HTR1F: variants seen among roughly 807,000 people sequenced by gnomAD.
HTR1F encodes 5-hydroxytryptamine receptor 1F.
In HTR1F, 17 loss-of-function variants were observed where a neutral mutation model predicts 24.0. The observed-to-expected ratio is 0.71, with a 90% CI of 0.48 to 1.06. The LOEUF (loss-of-function observed/expected upper bound fraction) is 1.06. Ranked by LOEUF, HTR1F falls within the 50% of genes least tolerant of loss-of-function variation. The pLI, the probability that HTR1F is intolerant of heterozygous loss-of-function variation, is 0.00. For synonymous variants in HTR1F, 186 were observed against 156.8 expected (o/e 1.19, Z -1.39); for missense variants, 391 against 427.8 (o/e 0.91, Z 0.76).
rs1263304977 is a variant in HTR1F at position 87,950,776 on chromosome 3, CAG to C, written c.-42-39929_-42-39928del. 3.3e-5 allele frequency among the ~76,000 whole-genome samples: 5 copies of C among 152,104 alleles called. No individual in the cohort carries two copies. The South Asian group carries it at 8.3e-4, about 25-fold the overall frequency. ...TTCATTGGTTTCAGAGGTTCGAAGT[CAG>C]AGTTGTTGTCAATTCATTGGTGGAA... is the stretch of plus-strand genomic sequence containing the variant. On this transcript the variant is annotated intron_variant, in intron 2 of 2. Transcript: ENST00000319595.
intron 2 of HTR1F, among the ~76,000 whole-genome samples, chr3:87,935,104 G>A (rs546820501): frequency 1.3e-5 from 2 of 152,314 alleles, no homozygotes; most frequent in Non-Finnish European, 2.9e-5. Context: ...CTGGAATCAA[G>A]TGATCCTCCT....
chr3:87,876,252 G>A (rs1705671047), intron 2 of HTR1F, among the ~76,000 whole-genome samples: 1 of 152,112 alleles, frequency 6.6e-6, no homozygotes, highest in African/African-American at 2.4e-5. Flanking sequence ...CCACTTCTGG[G>A]TATATATCTC....
At chr3:87,868,904 G>C (rs1280577982) in intron 2 of HTR1F, among the ~76,000 whole-genome samples, 1 of 151,356 alleles carries the variant, frequency 6.6e-6, no homozygotes, top group African/African-American at 2.4e-5. Flanking sequence ...TTAAATTATT[G>C]GTAATCCATG....
chr3:87,894,595 C>G (rs997482663), intron 2 of HTR1F, among the ~76,000 whole-genome samples: 4 of 115,134 alleles, frequency 3.5e-5, no homozygotes, highest in Admixed American at 1.1e-4. Flanking sequence ...GAGACAGAGT[C>G]TCTCTCTGTC....
chr3:87,975,330 C>A (rs947098813), intron 2 of HTR1F, among the ~76,000 whole-genome samples: 6 of 151,916 alleles, frequency 3.9e-5, no homozygotes, highest in African/African-American at 4.8e-5. Context: ...ATTTTGGAAT[C>A]CAAGATTTGG....
intron 2 of HTR1F, among the ~76,000 whole-genome samples, chr3:87,836,702 T>C (rs1208841142): frequency 1.3e-5 from 2 of 152,148 alleles, no homozygotes; most frequent in Non-Finnish European, 2.9e-5. Flanking sequence ...ATCTTCCAGA[T>C]ACCTCCCTGA....
chr3:87,815,813 T>C (rs538293743), intron 1 of HTR1F, among the ~76,000 whole-genome samples: 1 of 152,226 alleles, frequency 6.6e-6, no homozygotes, highest in East Asian at 1.9e-4. Flanking sequence ...CTTAGTAGCA[T>C]TCCTTCTAAA....
chr3:87,963,904 C>A (rs1349744089), intron 2 of HTR1F, among the ~76,000 whole-genome samples: 5 of 152,186 alleles, frequency 3.3e-5, no homozygotes, highest in Middle Eastern at 6.8e-3. Flanking sequence ...CCCCAGAGCA[C>A]CAGGTTCATA....
intron 2 of HTR1F, among the ~76,000 whole-genome samples, chr3:87,850,276 C>T (rs1446134429): frequency 6.6e-6 from 1 of 151,862 alleles, no homozygotes; most frequent in Admixed American, 6.5e-5. Context: ...TACTATGCAG[C>T]CATAAAAAAT....
chr3:87,858,184 C>T (rs899721953), intron 2 of HTR1F, among the ~76,000 whole-genome samples: 1 of 152,096 alleles, frequency 6.6e-6, no homozygotes, highest in Non-Finnish European at 1.5e-5. Flanking sequence ...TAAATACTCC[C>T]AATCTGTTGA....
At chr3:87,962,862 C>T (rs1705090251) in intron 2 of HTR1F, among the ~76,000 whole-genome samples, 4 of 152,098 alleles carry the variant, frequency 2.6e-5, no homozygotes, top group Admixed American at 6.6e-5. Flanking sequence ...CAAATGCAGA[C>T]AACCTTCCCC....
At chr3:87,811,393 G>A (rs1450144952) in intron 1 of HTR1F, among the ~76,000 whole-genome samples, 5 of 152,222 alleles carry the variant, frequency 3.3e-5, no homozygotes, top group Admixed American at 2.0e-4. Flanking sequence ...AGATCTAGGA[G>A]TAAATAGGGA....
intron 2 of HTR1F, among the ~76,000 whole-genome samples, chr3:87,921,874 G>A (rs1246904694): frequency 6.6e-6 from 1 of 151,788 alleles, no homozygotes; most frequent in East Asian, 1.9e-4. Flanking sequence ...GTTTATCCAT[G>A]TTGCCAACAG....
chr3:87,963,720 A>C (rs1705109922), intron 2 of HTR1F, among the ~76,000 whole-genome samples: 1 of 152,120 alleles, frequency 6.6e-6, no homozygotes, highest in African/African-American at 2.4e-5. Flanking sequence ...ATGGAGGTGA[A>C]AGGATTTGAG....
chr3:87,802,909 CAGCACTAATAATTCAAGGCATCTTTT>C (rs929343013), intron 1 of HTR1F, among the ~76,000 whole-genome samples: 3 of 152,280 alleles, frequency 2.0e-5, no homozygotes, highest in African/African-American at 7.2e-5. Context: ...TACCACAACA[CAGCACTAATAATTCAAGGCATCTTTT>C]AGCAGGTTCT....
At chr3:87,864,335 A>G (rs187873983) in intron 2 of HTR1F, among the ~76,000 whole-genome samples, 1 of 151,974 alleles carries the variant, frequency 6.6e-6, no homozygotes, top group Admixed American at 6.5e-5. Context: ...ATCTCAGTTC[A>G]CTCCTTTAGC....
At chr3:87,945,017 GTTGTT>G (rs147538762) in intron 2 of HTR1F, among the ~76,000 whole-genome samples, 21 of 151,764 alleles carry the variant, frequency 1.4e-4, no homozygotes, top group Admixed American at 2.6e-4. Flanking sequence ...GGGCACACTG[GTTGTT>G]TTGTTTTGTT....
At chr3:87,828,097 T>C (rs1704501965) in intron 2 of HTR1F, among the ~76,000 whole-genome samples, 1 of 152,218 alleles carries the variant, frequency 6.6e-6, no homozygotes, top group Non-Finnish European at 1.5e-5. Context: ...CTCTCCCATA[T>C]CTGTGATGTG....
At chr3:87,818,377 T>A (rs1704289629) in intron 1 of HTR1F, among the ~76,000 whole-genome samples, 1 of 152,134 alleles carries the variant, frequency 6.6e-6, no homozygotes. Context: ...ATTTCCTATG[T>A]CAATTGAAAA....
Sources: allele counts gnomAD v4.1 joint callset (sites outside exome capture counted in the v4.1 genomes callset), GRCh38; gene constraint gnomAD v4.1.1; transcripts MANE v1.5; gene names NCBI Gene and HGNC (gene_info 2026-07-23, HGNC 2026-07-21).